ABCA12: variants seen among roughly 807,000 people sequenced by gnomAD.
ABCA12 encodes ATP binding cassette subfamily A member 12, also known as glucosylceramide transporter ABCA12.
Under a neutral mutation model 293.5 loss-of-function variants are expected in ABCA12, and 156 were observed. The ratio of observed to expected loss-of-function variants is 0.53; its 90% confidence interval spans 0.47 to 0.61. The LOEUF is 0.61. Ranked by LOEUF, ABCA12 falls within the 20% of genes least tolerant of loss-of-function variation. The pLI, the probability that ABCA12 is intolerant of heterozygous loss-of-function variation, is 0.00. For synonymous variants in ABCA12, 1,063 were observed against 1,108.0 expected (o/e 0.96, Z 0.81); for missense variants, 2,797 against 3,090.2 (o/e 0.91, Z 2.25).
chr2:214,942,145 C>A (rs1004832013), intron 50 of ABCA12, among the ~76,000 whole-genome samples: 1 of 152,006 alleles, frequency 6.6e-6, no homozygotes, highest in African/African-American at 2.4e-5. Context: ...GATTTGGTGT[C>A]ATCAATAAAA....
chr2:215,094,484 T>C (rs1312573007), intron 2 of ABCA12, among the ~76,000 whole-genome samples: 1 of 152,198 alleles, frequency 6.6e-6, no homozygotes, highest in Non-Finnish European at 1.5e-5. Context: ...AAATGGTTCT[T>C]AGACTAAGGA....
chr2:215,026,034 G>A (rs1700738025), intron 10 of ABCA12, among the ~76,000 whole-genome samples: 1 of 152,124 alleles, frequency 6.6e-6, no homozygotes. Context: ...GGCTCTTTGT[G>A]AACTGACTAT....
intron 2 of ABCA12, among the ~76,000 whole-genome samples, chr2:215,084,344 AC>A (rs11300887): frequency 0.98 from 149,103 of 152,026 alleles, 73,164 homozygotes; most frequent in South Asian, 1. Context: ...TTTCAGAACC[AC>A]CCCCCCACCA....
intron 19 of ABCA12, among the ~76,000 whole-genome samples, chr2:215,006,937 G>A (rs567722817): frequency 9.3e-5 from 12 of 129,670 alleles, no homozygotes; most frequent in South Asian, 2.5e-4. Context: ...GTGCAGTGGC[G>A]CAATCTCAGC....
At chr2:215,030,918 A>G (rs1700864095) in intron 9 of ABCA12, among the ~76,000 whole-genome samples, 1 of 152,236 alleles carries the variant, frequency 6.6e-6, no homozygotes, top group Admixed American at 6.5e-5. Flanking sequence ...CCGTTAGCAC[A>G]CAGATGTATC....
At chr2:215,135,365 T>G (rs1217616365) in intron 1 of ABCA12, among the ~76,000 whole-genome samples, 1 of 152,240 alleles carries the variant, frequency 6.6e-6, no homozygotes, top group Non-Finnish European at 1.5e-5. Context: ...TGCCATTTGT[T>G]TCTCCATTAA....
chr2:214,982,770 T>A (rs1213103616), intron 29 of ABCA12, among the ~76,000 whole-genome samples: 3 of 152,094 alleles, frequency 2.0e-5, no homozygotes, highest in African/African-American at 7.2e-5. Flanking sequence ...ATAAGGAGAT[T>A]ATGTTCTAGT....
chr2:214,991,553 T>C (rs1262211773), intron 23 of ABCA12, among the ~76,000 whole-genome samples: 1 of 152,144 alleles, frequency 6.6e-6, no homozygotes, highest in African/African-American at 2.4e-5. Flanking sequence ...GTATACCTGA[T>C]TCCTAAGAAT....
At chr2:214,947,330 T>C in intron 48 of ABCA12, 92 bp downstream of exon 48, 1 of 1,568,522 alleles carries the variant, frequency 6.4e-7, no homozygotes, top group East Asian at 2.2e-5. Flanking sequence ...CAATAAATGT[T>C]GACTGCAATC....
Position 214,932,340 on chromosome 2 carries a change from T to C in ABCA12, c.*294A>G, listed in dbSNP as rs1006582201. On this transcript the variant is annotated 3_prime_UTR_variant, in exon 53 of 53. Transcript: ENST00000272895. ...CTGTCTTTTTATTGAAAGTAATAAA[T>C]TAAGATATTCATCTTGAGGTGGCTT... The C allele has an allele frequency of 1.5e-5, 5 of 332,226 alleles. No individual in the cohort carries two copies. The highest frequency in any genetic ancestry group is 1.1e-4 in the African/African-American group (5 of 46,718). The allele number at this position is 332,226 out of a possible 1,614,324, so 20.6% of individuals were successfully genotyped here.
Position 215,042,985 on chromosome 2 carries a change from T to G in ABCA12, c.872+2852A>C, listed in dbSNP as rs143033855. On this transcript the variant is annotated intron_variant, in intron 7 of 52. Transcript: ENST00000272895. ...GGCTGTTTTAATTTGTTGAGGAACCTCCATATTATTTTCCACAATGGCCAT... is the reference window on the plus strand; with the variant it reads ...GGCTGTTTTAATTTGTTGAGGAACCGCCATATTATTTTCCACAATGGCCAT... 3.0e-3 allele frequency among the ~76,000 whole-genome samples: 451 copies of G among 152,292 alleles called. 1 individual carries two copies. Among genetic ancestry groups the G allele is most frequent in the African/African-American group, 0.011 (439 of 41,578 alleles).
intron 49 of ABCA12, among the ~76,000 whole-genome samples, chr2:214,943,586 A>C (rs1698480126): frequency 6.6e-6 from 1 of 152,186 alleles, no homozygotes; most frequent in Admixed American, 6.5e-5. Context: ...TCTCACCTGG[A>C]ATACCCGCTC....
chr2:215,061,241 A>G (rs1046200620), intron 3 of ABCA12, among the ~76,000 whole-genome samples: 1 of 152,014 alleles, frequency 6.6e-6, no homozygotes, highest in Non-Finnish European at 1.5e-5. Flanking sequence ...ATTTTTTTTT[A>G]AACATCTCAT....
intron 2 of ABCA12, among the ~76,000 whole-genome samples, chr2:215,065,508 A>G (rs1039421654): frequency 3.6e-4 from 55 of 151,830 alleles, no homozygotes; most frequent in African/African-American, 1.2e-3. Context: ...GAGCTGGGGG[A>G]AAAAAATAAA....
chr2:215,090,617 T>C (rs749980969), intron 2 of ABCA12, among the ~76,000 whole-genome samples: 1 of 152,100 alleles, frequency 6.6e-6, no homozygotes, highest in Non-Finnish European at 1.5e-5. Flanking sequence ...GAAGACAGTC[T>C]TCCCTTGGTA....
chr2:215,130,764 C>A (rs570793361), intron 1 of ABCA12, among the ~76,000 whole-genome samples: 2 of 152,092 alleles, frequency 1.3e-5, no homozygotes, highest in African/African-American at 4.8e-5. Context: ...CTAGCTAGGA[C>A]TTTCAGTGCT....
chr2:214,989,613 C>G lies in ABCA12; in HGVS notation c.3633G>C (p.Leu1211=), dbSNP rs1159233704. The change falls in exon 25 of 53, where the codon CTG becomes CTC. Residue 1211 remains leucine (L), a synonymous_variant. Coordinates refer to ENST00000272895, the MANE Select transcript of ABCA12 (RefSeq NM_173076.3). ...TTGCATAGCTGAATGCTGTTGGGGA[C>G]AGCAGGCTCTGTGAAGAAAGGAAAC... ...SYVLKVFMSL[L]SPTAFSYASQ... is the part of the protein sequence containing the mutation. 3 of 1,613,808 alleles carry G rather than the reference C, an allele frequency of 1.9e-6. No homozygotes were observed. Among genetic ancestry groups the G allele is most frequent in the Non-Finnish European group, 2.5e-6 (3 of 1,179,932 alleles).
At chr2:215,092,309 C>G (rs1300930852) in intron 2 of ABCA12, among the ~76,000 whole-genome samples, 1 of 152,100 alleles carries the variant, frequency 6.6e-6, no homozygotes, top group Non-Finnish European at 1.5e-5. Context: ...CTCTTATGCA[C>G]TCCTTTTTAG....
chr2:215,037,092 A>G, intron 7 of ABCA12, 27 bp from the exon 8 acceptor site: 1 of 1,589,228 alleles, frequency 6.3e-7, no homozygotes, highest in Non-Finnish European at 8.6e-7. Context: ...CAATTAAACC[A>G]GATTCTGTTT....
Sources: allele counts gnomAD v4.1 joint callset (sites outside exome capture counted in the v4.1 genomes callset), GRCh38; gene constraint gnomAD v4.1.1; transcripts MANE v1.5; gene names NCBI Gene and HGNC (gene_info 2026-07-23, HGNC 2026-07-21).